The following KLHDC4 variants were observed in gnomAD, a reference collection of about 807,000 sequenced individuals.
The protein encoded by KLHDC4 is kelch domain containing 4, also known as kelch domain-containing protein 4.
A neutral mutation model predicts 62.4 loss-of-function variants in KLHDC4; 90 were observed. The observed-to-expected ratio is 1.44, with a 90% CI of 1.22 to 1.72. The LOEUF is 1.72. Among genes scored for constraint, KLHDC4 ranks in the 40% most tolerant of loss-of-function variants. KLHDC4 has a pLI of 0.00. For missense variants in KLHDC4, 1,025 were observed against 699.7 expected (o/e 1.47, Z -5.25); for synonymous variants, 386 against 284.4 (o/e 1.36, Z -3.59).
chr16:87,702,305 G>A (rs928049011), exon 1 of KLHDC4: 1 of 456,130 alleles, frequency 2.2e-6, no homozygotes, highest in African/African-American at 2.0e-5. Context: ...CGGTCTGCCG[G>A]GGGCTCCCAG....
rs2035304500 is a variant in KLHDC4, at chr16:87,709,335, G to A, written c.1377C>T (p.Thr459=). The change falls in exon 10 of 12, where the codon ACC becomes ACT. Residue 459 remains threonine (T), a synonymous_variant. Coordinates refer to ENST00000270583, the MANE Select transcript of KLHDC4 (RefSeq NM_017566.4). ...GGTCCAGGCAGTGCAGGTCGCTGAGGGTGACCTGGCGGTCGCCGGCCTCAA... is the reference window on the plus strand; with the variant it reads ...GGTCCAGGCAGTGCAGGTCGCTGAGAGTGACCTGGCGGTCGCCGGCCTCAA... ...GMFEAGDRQV[T]LSDLHCLDLH... The A allele has an allele frequency of 1.9e-6, 3 of 1,613,406 alleles. No individual in the cohort carries two copies. The highest frequency in any genetic ancestry group is 2.2e-5 in the South Asian group (2 of 91,082).
intron 7 of KLHDC4, among the ~76,000 whole-genome samples, chr16:87,722,373 G>A (rs1418345568): frequency 1.3e-5 from 2 of 152,206 alleles, no homozygotes; most frequent in South Asian, 2.1e-4. Flanking sequence ...AAGGAGGGCA[G>A]GTGTCTGTGA....
chr16:87,725,875 C>G (rs892172715), intron 7 of KLHDC4, among the ~76,000 whole-genome samples: 6 of 152,144 alleles, frequency 3.9e-5, no homozygotes, highest in Non-Finnish European at 8.8e-5. Flanking sequence ...GAAACAAGCC[C>G]GTTAACAGGA....
downstream of KLHDC4, chr16:87,702,883 CCT>C (rs372568741): frequency 1.3e-5 from 2 of 152,640 alleles, no homozygotes; most frequent in African/African-American, 4.8e-5. Flanking sequence ...AAAAAGTTAC[CCT>C]GAGCCTTTTT....
intron 5 of KLHDC4, among the ~76,000 whole-genome samples, chr16:87,746,385 AAGAGACAGAG>A (rs1213480781): frequency 1.3e-5 from 2 of 151,952 alleles, no homozygotes; most frequent in Non-Finnish European, 2.9e-5. Flanking sequence ...GAAAGAGAGA[AAGAGACAGAG>A]AGAGAAAGAG....
chr16:87,711,066 T>TC, intron 9 of KLHDC4, 169 bp downstream of exon 9: 1 of 642,980 alleles, frequency 1.6e-6, no homozygotes. Flanking sequence ...CCAAGGGCTC[T>TC]CCAAGCCTAG....
Position 87,755,636 on chromosome 16 carries a change from T to C in KLHDC4, c.271-344A>G, listed in dbSNP as rs769860169. On this transcript the variant is annotated intron_variant, in intron 3 of 11. Transcript: ENST00000270583. ...CAATGGAGTGCAATGGCGCAATCTT[T>C]GCTCACTGCAACCTCCGCCTCCCAG... The C allele has an allele frequency of 1.5e-5, 3 of 204,264 alleles. No individual in the cohort carries two copies. In the South Asian group the frequency reaches 2.3e-4, roughly 16 times the overall value. 12.7% of individuals were successfully genotyped at this position (204,264 alleles called of 1,614,324 possible).
chr16:87,747,402 G>C (rs982810088), intron 5 of KLHDC4, among the ~76,000 whole-genome samples: 1 of 152,232 alleles, frequency 6.6e-6, no homozygotes, highest in South Asian at 2.1e-4. Context: ...AAGGACAACT[G>C]TGTGCTGAGT....
intron 7 of KLHDC4, among the ~76,000 whole-genome samples, chr16:87,724,167 G>C (rs1289020270): frequency 1.3e-5 from 2 of 152,172 alleles, no homozygotes; most frequent in African/African-American, 4.8e-5. Context: ...ATGCTGCTGA[G>C]ACAAGTGAGT....
exon 1 of KLHDC4, chr16:87,701,044 A>G: frequency 4.8e-6 from 1 of 210,420 alleles, no homozygotes; most frequent in Non-Finnish European, 9.7e-6. Context: ...CTTCAAAACA[A>G]GCAAGGAAGA....
chr16:87,727,039 A>T, intron 6 of KLHDC4, 115 bp from the exon 7 acceptor site: 4 of 1,146,708 alleles, frequency 3.5e-6, no homozygotes, highest in Non-Finnish European at 5.0e-6. Context: ...GAAAAACTCA[A>T]ACCATTTTTC....
At chr16:87,733,046 G>A (rs1376082872) in intron 5 of KLHDC4, among the ~76,000 whole-genome samples, 1 of 141,086 alleles carries the variant, frequency 7.1e-6, no homozygotes, top group Non-Finnish European at 1.5e-5. Context: ...TGAAAAGGCA[G>A]GTGCAAAGCA....
chr16:87,740,574 G>A (rs918525158), intron 5 of KLHDC4: 1 of 152,210 alleles, frequency 6.6e-6, no homozygotes, highest in Non-Finnish European at 1.5e-5. Context: ...ATCTCCACCA[G>A]GACACACCTT....
intron 2 of KLHDC4, among the ~76,000 whole-genome samples, chr16:87,759,773 C>T (rs748345158): frequency 5.9e-5 from 9 of 152,162 alleles, no homozygotes; most frequent in Non-Finnish European, 1.3e-4. Context: ...TCCCAAATTC[C>T]TCTGACCCTG....
intron 2 of KLHDC4, among the ~76,000 whole-genome samples, chr16:87,761,161 G>A (rs1231370040): frequency 6.6e-6 from 1 of 152,192 alleles, no homozygotes; most frequent in Non-Finnish European, 1.5e-5. Flanking sequence ...AAGGACACTG[G>A]CCTTTGGGAG....
At chr16:87,755,443 CG>C in intron 3 of KLHDC4, 151 bp from the exon 4 acceptor site, 1 of 486,938 alleles carries the variant, frequency 2.1e-6, no homozygotes. Context: ...GCTGGGTCCC[CG>C]GGGCCATTGG....
chr16:87,732,611 A>G (rs1005634584), intron 5 of KLHDC4, among the ~76,000 whole-genome samples: 27 of 152,268 alleles, frequency 1.8e-4, no homozygotes, highest in African/African-American at 6.5e-4. Context: ...CCTAGTAATC[A>G]AAGAATTTCA....
At position 87,748,667 on chromosome 16, in the gene KLHDC4, T is replaced by C. The variant is rs2043414993; in HGVS notation, c.506+6A>G. The C allele has an allele frequency of 2.5e-6, 4 of 1,613,258 alleles. No homozygotes were observed. Among genetic ancestry groups the C allele is most frequent in the Admixed American group, 3.3e-5 (2 of 59,890 alleles). ...CCGGAGCTCAGCTTCTCATCTGGCTTCTTACTTGACTTGTTCCCAGGTCTT... is the reference window on the plus strand; with the variant it reads ...CCGGAGCTCAGCTTCTCATCTGGCTCCTTACTTGACTTGTTCCCAGGTCTT... On this transcript the variant is annotated splice_donor_region_variant and intron_variant, in intron 5 of 11. Transcript: ENST00000270583.
intron 7 of KLHDC4, among the ~76,000 whole-genome samples, chr16:87,720,167 G>C (rs2037976898): frequency 6.6e-6 from 1 of 152,210 alleles, no homozygotes. Flanking sequence ...CACCAGCTCA[G>C]GCCAGGTCAC....
Sources: gnomAD v4.1 joint callset for allele counts (sites outside exome capture counted in the v4.1 genomes callset) on GRCh38, gnomAD v4.1.1 for gene constraint, MANE v1.5 for transcripts, NCBI Gene and HGNC (gene_info 2026-07-23, HGNC 2026-07-21) for gene names.